The following KNTC1 variants were observed in gnomAD, a reference collection of about 807,000 sequenced individuals.
KNTC1 encodes kinetochore associated 1, also known as kinetochore-associated protein 1.
KNTC1 carries 253 observed loss-of-function variants against 314.4 expected under a neutral mutation model. That is an observed-to-expected ratio of 0.80 (90% CI 0.73 to 0.89). The LOEUF is 0.89. Ranked by LOEUF, KNTC1 falls within the 40% of genes least tolerant of loss-of-function variation. The probability of loss-of-function intolerance (pLI) is 0.00; values close to 1 mark genes in which losing one functional copy is unlikely to be tolerated. For missense variants in KNTC1, 2,475 were observed against 2,572.9 expected (o/e 0.96, Z 0.82); for synonymous variants, 901 against 901.4 (o/e 1.00, Z 0.01).
Position 122,610,805 on chromosome 12 carries a change from TA to T in KNTC1, c.5544-13del. The T allele has an allele frequency of 6.4e-7, 1 of 1,557,696 alleles. No homozygotes were observed. Among genetic ancestry groups the T allele is most frequent in the Non-Finnish European group, 8.8e-7 (1 of 1,131,654 alleles). The stretch of plus-strand genomic sequence containing the variant: ...CACTAAATTAAAAAATGACTGTAAT[TA>T]AAATTTTTTTTCCAGAGTGCAGTAT... On this transcript the variant is annotated splice_polypyrimidine_tract_variant and intron_variant, in intron 52 of 63. Transcript: ENST00000333479.
At chr12:122,560,740 C>T (rs1963914527) in intron 18 of KNTC1, among the ~76,000 whole-genome samples, 1 of 152,132 alleles carries the variant, frequency 6.6e-6, no homozygotes. Context: ...TTCACATTTC[C>T]AGCAACAGTG....
intron 12 of KNTC1, among the ~76,000 whole-genome samples, chr12:122,548,581 A>T (rs1962960977): frequency 6.6e-6 from 1 of 152,196 alleles, no homozygotes; most frequent in Non-Finnish European, 1.5e-5. Flanking sequence ...CTTAAATACA[A>T]ACTGTAGAAT....
rs201169682 is a variant in KNTC1 at position 122,562,822 on chromosome 12, C to CATG, written c.1604+124_1604+125insTGA. ...ATCAGGAGTTCGAGACCAGCCTGGC[C>CATG]AACATGGCAAAACCCCATCTCTACT... is the stretch of plus-strand genomic sequence containing the variant. On this transcript the variant is annotated intron_variant, in intron 20 of 63. Coordinates refer to ENST00000333479, the MANE Select transcript of KNTC1 (RefSeq NM_014708.6). The CATG allele has an allele frequency of 4.7e-3, 2,782 of 588,652 alleles. 25 individuals are homozygous for CATG. The highest frequency in any genetic ancestry group is 0.035 in the Middle Eastern group (99 of 2,854). 36.5% of individuals were successfully genotyped at this position (588,652 alleles called of 1,614,324 possible).
intron 52 of KNTC1, 109 bp from the exon 53 acceptor site, chr12:122,610,713 C>T (rs1167034808): frequency 4.4e-6 from 3 of 675,196 alleles, no homozygotes; most frequent in Non-Finnish European, 5.2e-6. Flanking sequence ...TCCTTCTGAT[C>T]TGCCTTTGAG....
chr12:122,595,156 G>T (rs553817923), intron 43 of KNTC1, among the ~76,000 whole-genome samples: 1 of 152,226 alleles, frequency 6.6e-6, no homozygotes, highest in African/African-American at 2.4e-5. Flanking sequence ...GATTATAGGC[G>T]TGAGCCACTG....
In KNTC1 at chr12:122,577,867, C is replaced by G. The variant is rs903638137; in HGVS notation, c.2841+76C>G. On this transcript the variant is annotated intron_variant, in intron 31 of 63. Transcript: ENST00000333479. ...TAATCAATAGGATAGAAAAGATGGA[C>G]TTACACATATGAAGATCTGCTCTTC... 7 of 1,332,352 alleles carry G rather than the reference C, an allele frequency of 5.3e-6. No individual in the cohort carries two copies. The East Asian group carries it at 1.7e-4, about 33-fold the overall frequency. The allele number at this position is 1,332,352 out of a possible 1,614,324, so 82.5% of individuals were successfully genotyped here.
Position 122,585,885 on chromosome 12 carries a change from C to A in KNTC1, c.3673+111C>A. 7.5e-6 allele frequency: 7 copies of A among 932,692 alleles called. No individual in the cohort carries two copies. The South Asian group carries it at 1.0e-4, about 14-fold the overall frequency. 57.8% of individuals were successfully genotyped at this position (932,692 alleles called of 1,614,324 possible). On this transcript the variant is annotated intron_variant, in intron 37 of 63. Transcript: ENST00000333479. ...CAGTAATGTGGGCGAACCTTATAAG[C>A]GTAATGTGGAGCTAAAGAAGCAGAT...
intron 20 of KNTC1, among the ~76,000 whole-genome samples, chr12:122,565,252 T>TAA (rs35980710): frequency 7.0e-4 from 92 of 131,770 alleles, no homozygotes; most frequent in Non-Finnish European, 8.5e-4. Flanking sequence ...TTTTTTTTTT[T>TAA]AAAAAAAAAA....
chr12:122,578,383 A>G (rs1410464904), intron 31 of KNTC1, among the ~76,000 whole-genome samples: 2 of 149,826 alleles, frequency 1.3e-5, no homozygotes, highest in Non-Finnish European at 3.0e-5. Context: ...CTGGGATTAC[A>G]GGCATGCACC....
chr12:122,592,138 G>A (rs1336209992), intron 42 of KNTC1, among the ~76,000 whole-genome samples: 2 of 152,218 alleles, frequency 1.3e-5, no homozygotes, highest in Non-Finnish European at 2.9e-5. Flanking sequence ...GGCCCTGCCG[G>A]CCCCGGGCAG....
intron 13 of KNTC1, 25 bp downstream of exon 13, chr12:122,549,889 A>G (rs1403316565): frequency 3.1e-6 from 4 of 1,299,372 alleles, no homozygotes; most frequent in East Asian, 4.8e-5. Context: ...ATTTTAAAGT[A>G]TTCTTTTAAC....
At chr12:122,610,406 C>T (rs1872994952) in intron 52 of KNTC1, among the ~76,000 whole-genome samples, 1 of 152,246 alleles carries the variant, frequency 6.6e-6, no homozygotes. Flanking sequence ...TTCATCCTCC[C>T]TTCCCGGAGA....
chr12:122,557,459 G>T lies in KNTC1; in HGVS notation c.1348G>T (p.Glu450Ter), dbSNP rs748970408. The T allele has an allele frequency of 1.4e-5, 23 of 1,613,546 alleles. No homozygotes were observed. Among genetic ancestry groups the T allele is most frequent in the African/African-American group, 4.0e-5 (3 of 74,912 alleles). ...TTCTGTGGATGCCAGTGAACAGACC[G>T]AATGGCAACAACTTGTAGACGACGC... ...LSSVDASEQT[E>*]WQQLVDDAKE... is the part of the protein sequence containing the mutation. Residue 450 changes from glutamate to a stop codon, truncating the protein, a stop_gained, in exon 17 of 64, where the codon GAA becomes TAA. Coordinates refer to ENST00000333479, the MANE Select transcript of KNTC1 (RefSeq NM_014708.6). LOFTEE classifies it high-confidence loss of function.
chr12:122,560,464 C>G (rs981099970), intron 18 of KNTC1, among the ~76,000 whole-genome samples: 1 of 152,146 alleles, frequency 6.6e-6, no homozygotes, highest in African/African-American at 2.4e-5. Flanking sequence ...TGCCCACCCC[C>G]CAGGCTCAAG....
At chr12:122,622,153 T>TG (rs1874508810) in intron 61 of KNTC1, among the ~76,000 whole-genome samples, 183 bp downstream of exon 61, 1 of 152,216 alleles carries the variant, frequency 6.6e-6, no homozygotes, top group African/African-American at 2.4e-5. Context: ...AGCGTCTTGT[T>TG]GACTGCTGTA....
At position 122,558,506 on chromosome 12, in the gene KNTC1, C is replaced by T. The variant is rs188294724; in HGVS notation, c.1488+817C>T. 4.3e-3 allele frequency among the ~76,000 whole-genome samples: 652 copies of T among 151,030 alleles called. 8 individuals carry two copies. Among genetic ancestry groups the T allele is most frequent in the Middle Eastern group, 0.035 (10 of 284 alleles). On this transcript the variant is annotated intron_variant, in intron 18 of 63. Transcript: ENST00000333479. ...GGCGGAGGTTGCAGTGAGCTGAGAT[C>T]ACGCCACTGCACTTCAGCCTGGCGA...
At chr12:122,569,234 G>A (rs772875509) in intron 21 of KNTC1, among the ~76,000 whole-genome samples, 4 of 152,164 alleles carry the variant, frequency 2.6e-5, no homozygotes, top group Non-Finnish European at 4.4e-5. Flanking sequence ...GCTTTGTAAT[G>A]TAGCATTGGT....
chr12:122,610,704 C>A, intron 52 of KNTC1, 118 bp from the exon 53 acceptor site: 1 of 647,386 alleles, frequency 1.5e-6, no homozygotes, highest in Non-Finnish European at 2.7e-6. Flanking sequence ...GACCCATTAT[C>A]CTTCTGATCT....
rs1262829128 is a variant in KNTC1, at chr12:122,574,447, G to A, written c.2382+67G>A. ...AAATCTTTTCTGAAAGCTTTTTTCT[G>A]TTCATAAAAGCGACATATATTTGTT... On this transcript the variant is annotated intron_variant, in intron 27 of 63. Coordinates refer to ENST00000333479, the MANE Select transcript of KNTC1 (RefSeq NM_014708.6). 6 of 937,394 alleles carry A rather than the reference G, an allele frequency of 6.4e-6. No homozygotes were observed. The African/African-American group carries it at 8.4e-5, about 13-fold the overall frequency. 58.1% of individuals were successfully genotyped at this position (937,394 alleles called of 1,614,324 possible).
Sources: allele counts gnomAD v4.1 joint callset (sites outside exome capture counted in the v4.1 genomes callset), GRCh38; gene constraint gnomAD v4.1.1; transcripts MANE v1.5; gene names NCBI Gene and HGNC (gene_info 2026-07-23, HGNC 2026-07-21).